Variants in SPTBN5 observed in about 807,000 individuals in gnomAD.
SPTBN5 encodes spectrin beta, non-erythrocytic 5.
In SPTBN5, 513 loss-of-function variants were observed where a neutral mutation model predicts 477.6. That is an observed-to-expected ratio of 1.07 (90% CI 1.00 to 1.16). SPTBN5 has a LOEUF of 1.16. SPTBN5 is among the 50% of genes most tolerant of loss of function. The probability of loss-of-function intolerance (pLI) is 0.00; values close to 1 mark genes in which losing one functional copy is unlikely to be tolerated. For synonymous variants in SPTBN5, 2,169 were observed against 2,011.7 expected, an observed-to-expected ratio of 1.08 and a Z score of -2.09; for missense variants, 5,062 against 4,731.8, an observed-to-expected ratio of 1.07 and a Z score of -2.05.
rs543297139 is a variant in SPTBN5 at position 41,860,450 on chromosome 15, C to T, written c.7988+136G>A. ...CAGGGCCAGGGGTGGTGGGGACCCC[C>T]GGCATCTGACCTCAGTCCTTGGACA... On this transcript the variant is annotated intron_variant, in intron 47 of 67. Transcript: ENST00000320955. The T allele has an allele frequency of 3.4e-4, 327 of 966,752 alleles. 3 individuals are homozygous for T. In the Middle Eastern group the frequency reaches 4.7e-3, roughly 14 times the overall value. 59.9% of individuals were successfully genotyped at this position (966,752 alleles called of 1,614,324 possible).
intron 7 of SPTBN5, among the ~76,000 whole-genome samples, chr15:41,884,477 C>T (rs1380091329): frequency 2.0e-5 from 3 of 152,164 alleles, no homozygotes; most frequent in Non-Finnish European, 4.4e-5. Context: ...GCAAATTCTA[C>T]TTGGCACTAC....
At chr15:41,869,747 C>T in intron 32 of SPTBN5, 94 bp downstream of exon 32, 1 of 1,284,356 alleles carries the variant, frequency 7.8e-7, no homozygotes, top group Non-Finnish European at 1.0e-6. Context: ...CTTGTTCTCC[C>T]TCCGGAGCTG....
At chr15:41,853,185 G>A in intron 59 of SPTBN5, 73 bp downstream of exon 59, 1 of 1,521,088 alleles carries the variant, frequency 6.6e-7, no homozygotes, top group Middle Eastern at 1.9e-4. Context: ...CCATGCCTGT[G>A]AGGGGCCCTG....
chr15:41,855,350 G>A lies in SPTBN5; in HGVS notation c.9297C>T (p.His3099=), dbSNP rs989413135. Residue 3099 remains histidine (H), a synonymous_variant, in exon 55 of 68, where the codon CAC becomes CAT. Coordinates refer to ENST00000320955, the MANE Select transcript of SPTBN5 (RefSeq NM_016642.4). ...ELLRRAEARG[H]GLQEQLQLHQ... is the part of the protein sequence containing the mutation. ...GTAGCTGCAGCTGCTCCTGCAGGCCGTGCCCCCTGGCCTCCGCCCTCCGCA... is the reference window on the plus strand; with the variant it reads ...GTAGCTGCAGCTGCTCCTGCAGGCCATGCCCCCTGGCCTCCGCCCTCCGCA... The A allele has an allele frequency of 8.1e-6, 13 of 1,606,230 alleles. No individual in the cohort carries two copies. The highest frequency in any genetic ancestry group is 2.2e-5 in the East Asian group (1 of 44,872).
At chr15:41,861,696 G>A in intron 45 of SPTBN5, 39 bp downstream of exon 45, 1 of 1,520,294 alleles carries the variant, frequency 6.6e-7, no homozygotes, top group South Asian at 1.2e-5. Context: ...GCCCTGTTCG[G>A]GGGGGCAAGA....
At chr15:41,850,126 G>T (rs1380510996) in intron 66 of SPTBN5, 167 bp from the exon 67 acceptor site, 1 of 624,822 alleles carries the variant, frequency 1.6e-6, no homozygotes, top group East Asian at 2.8e-5. Flanking sequence ...GCACTTGTGG[G>T]CAGGTTTTTC....
intron 35 of SPTBN5, 57 bp from the exon 36 acceptor site, chr15:41,867,183 C>A: frequency 2.7e-6 from 4 of 1,473,252 alleles, no homozygotes; most frequent in African/African-American, 1.4e-5. Context: ...CAGGGCCTGG[C>A]CTGCAGGGCT....
At chr15:41,880,378 C>A (rs866751811) in intron 13 of SPTBN5, 66 bp from the exon 14 acceptor site, 68 of 1,479,036 alleles carry the variant, frequency 4.6e-5, no homozygotes, top group Middle Eastern at 4.8e-4. Flanking sequence ...CAGAGCGGGT[C>A]AAAGGGGTGC....
chr15:41,853,445 G>A lies in SPTBN5; in HGVS notation c.9983C>T (p.Ala3328Val). ...CAGCTCCTGCCTCTCCTGTGCCCATGCTCTGTGGGGCAGGGAAGGGAGCTG... is the reference window on the plus strand; with the variant it reads ...CAGCTCCTGCCTCTCCTGTGCCCATACTCTGTGGGGCAGGGAAGGGAGCTG... ...AFLGRCQELL[A>V]WAQERQELAS... The change falls in exon 59 of 68, where the codon GCA becomes GTA. Residue 3328 changes from alanine (A) to valine (V), a missense_variant and splice_region_variant. Transcript: ENST00000320955. 1.3e-6 allele frequency: 2 copies of A among 1,571,056 alleles called. No individual in the cohort carries two copies. The highest frequency in any genetic ancestry group is 1.7e-6 in the Non-Finnish European group (2 of 1,151,368).
intron 4 of SPTBN5, 151 bp downstream of exon 4, chr15:41,889,938 T>G: frequency 1.7e-6 from 1 of 602,084 alleles, no homozygotes; most frequent in East Asian, 2.8e-5. Flanking sequence ...TCTTCACCCA[T>G]GGTTGGAGAG....
chr15:41,875,496 G>A lies in SPTBN5; in HGVS notation c.4249C>T (p.Gln1417Ter). Reference sequence around the variant, plus strand: ...AGGAGTTGCTCCTGCTGTCCAGCCTGCTGGAGCTCGTCCCCACGCTCAGTC... The same window carrying A: ...AGGAGTTGCTCCTGCTGTCCAGCCTACTGGAGCTCGTCCCCACGCTCAGTC... The part of the protein sequence containing the change: ...KMTERGDELQ[Q>*]AGQQEQLLRQ... The change falls in exon 22 of 68, where the codon CAG becomes TAG. Residue 1417 changes from glutamine (Q) to a stop codon, truncating the protein, a stop_gained. Transcript: ENST00000320955. LOFTEE classifies it high-confidence loss of function. 6.2e-7 allele frequency: 1 copy of A among 1,612,578 alleles called. No individual in the cohort carries two copies. The highest frequency in any genetic ancestry group is 8.5e-7 in the Non-Finnish European group (1 of 1,179,498).
intron 67 of SPTBN5, 61 bp downstream of exon 67, chr15:41,849,808 C>G (rs143924471): frequency 7.6e-7 from 1 of 1,319,472 alleles, no homozygotes; most frequent in Non-Finnish European, 1.1e-6. Flanking sequence ...CAGAGGACAG[C>G]GCCTGCCAGC....
rs779095533 is a variant in SPTBN5, at chr15:41,866,994, G to A, written c.6445C>T (p.Leu2149=). The change falls in exon 36 of 68, where the codon CTG becomes TTG. Residue 2149 remains leucine, a synonymous_variant. Coordinates refer to ENST00000320955, the MANE Select transcript of SPTBN5 (RefSeq NM_016642.4). Reference sequence around the variant, plus strand: ...GCCTGGGTGAAGCTGGCCATCAGCAGGGAGGCATGCAGGGCGTGTCCCCGG... The same window carrying A: ...GCCTGGGTGAAGCTGGCCATCAGCAAGGAGGCATGCAGGGCGTGTCCCCGG... The part of the protein sequence containing the change: ...ESRGHALHAS[L]LMASFTQAAT... The A allele has an allele frequency of 8.9e-6, 14 of 1,569,938 alleles. No homozygotes were observed. Among genetic ancestry groups the A allele is most frequent in the Non-Finnish European group, 1.0e-5 (12 of 1,157,976 alleles).
Position 41,855,536 on chromosome 15 carries a change from G to C in SPTBN5, c.9218+13C>G, listed in dbSNP as rs777924332. 3.1e-6 allele frequency: 5 copies of C among 1,606,398 alleles called. No homozygotes were observed. The highest frequency in any genetic ancestry group is 4.3e-6 in the Non-Finnish European group (5 of 1,175,384). On this transcript the variant is annotated intron_variant, in intron 54 of 67. Transcript: ENST00000320955. ...CTCTCTGCTCCTTCGCGGATGGTGT[G>C]GCTTCCGCCCACCTTTCTGGGTTCT...
At position 41,868,184 on chromosome 15, in the gene SPTBN5, C is replaced by T. The variant is rs374054802; in HGVS notation, c.6092G>A (p.Arg2031Gln). ...QEELRALQDQ[R>Q]DQVYQTWARK... ...TGCCCAGGTCTGATACACCTGGTCC[C>T]GCTGGTCCTGCAGGGCTCGAAGCTC... Residue 2031 changes from arginine to glutamine, a missense_variant, in exon 34 of 68, where the codon CGG becomes CAG. Coordinates refer to ENST00000320955, the MANE Select transcript of SPTBN5 (RefSeq NM_016642.4). The T allele has an allele frequency of 4.5e-5, 72 of 1,583,504 alleles. No individual in the cohort carries two copies. The East Asian group carries it at 1.0e-3, about 23-fold the overall frequency.
chr15:41,851,012 C>G, intron 65 of SPTBN5, 47 bp downstream of exon 65: 1 of 1,596,248 alleles, frequency 6.3e-7, no homozygotes, highest in African/African-American at 1.3e-5. Context: ...CCCGCTGAGC[C>G]AGGTGGCTGC....
At position 41,853,019 on chromosome 15, in the gene SPTBN5, T is replaced by A; in HGVS notation, c.10171-19A>T. The A allele has an allele frequency of 6.7e-7, 1 of 1,498,054 alleles. No homozygotes were observed. The highest frequency in any genetic ancestry group is 2.5e-5 in the East Asian group (1 of 40,646). The allele number at this position is 1,498,054 out of a possible 1,614,324, so 92.8% of individuals were successfully genotyped here. ...CTGTCACCTGGTGGGGAGGGGCTGC[T>A]ATGGGTGACAGCTTGGGTAGGGCTC... On this transcript the variant is annotated intron_variant, in intron 59 of 67. Coordinates refer to ENST00000320955, the MANE Select transcript of SPTBN5 (RefSeq NM_016642.4).
intron 13 of SPTBN5, 79 bp downstream of exon 13, chr15:41,880,955 C>T: frequency 7.8e-7 from 1 of 1,275,460 alleles, no homozygotes. Flanking sequence ...TCAGTCACTG[C>T]CTTGTCCCCT....
chr15:41,870,742 T>C (rs376231276), intron 29 of SPTBN5, among the ~76,000 whole-genome samples, 182 bp from the exon 30 acceptor site: 2 of 152,232 alleles, frequency 1.3e-5, no homozygotes, highest in East Asian at 3.9e-4. Context: ...TGGGAGCCTG[T>C]CTTCTAGCTT....
Sources: allele counts gnomAD v4.1 joint callset (sites outside exome capture counted in the v4.1 genomes callset), GRCh38; gene constraint gnomAD v4.1.1; transcripts MANE v1.5; gene names NCBI Gene and HGNC (gene_info 2026-07-23, HGNC 2026-07-21).